ATP8A1: variants seen among roughly 807,000 people sequenced by gnomAD.
The protein encoded by ATP8A1 is ATPase phospholipid transporting 8A1, also known as phospholipid-transporting ATPase IA.
In ATP8A1, 90 loss-of-function variants were observed where a neutral mutation model predicts 177.7. The observed-to-expected ratio is 0.51, with a 90% CI of 0.43 to 0.60. ATP8A1 has a LOEUF of 0.60. Among genes scored for constraint, ATP8A1 ranks in the 20% least tolerant of loss-of-function variants. The probability of loss-of-function intolerance (pLI) is 0.00; values close to 1 mark genes in which losing one functional copy is unlikely to be tolerated. For missense variants in ATP8A1, 1,072 were observed against 1,392.8 expected, an observed-to-expected ratio of 0.77 and a Z score of 3.67; for synonymous variants, 493 against 485.9, an observed-to-expected ratio of 1.01 and a Z score of -0.19.
intron 1 of ATP8A1, among the ~76,000 whole-genome samples, chr4:42,637,636 C>T (rs1292877461): frequency 6.6e-6 from 1 of 152,332 alleles, no homozygotes; most frequent in East Asian, 1.9e-4. Flanking sequence ...GCACCAAAGG[C>T]AAGACAACAT....
At chr4:42,590,425 A>G (rs1177087974) in intron 7 of ATP8A1, among the ~76,000 whole-genome samples, 1 of 152,210 alleles carries the variant, frequency 6.6e-6, no homozygotes, top group Non-Finnish European at 1.5e-5. Flanking sequence ...TCAATTTTCA[A>G]TGACTGTTTC....
rs1228380457 is a variant in ATP8A1 at position 42,408,516 on chromosome 4, A to T, written c.*4400T>A. 6.6e-6 allele frequency: 1 copy of T among 152,228 alleles called. No homozygotes were observed. Among genetic ancestry groups the T allele is most frequent in the East Asian group, 1.9e-4 (1 of 5,204 alleles). 9.4% of individuals were successfully genotyped at this position (152,228 alleles called of 1,614,324 possible). A position where few individuals can be genotyped will look rare whatever the true frequency, so the allele number is the denominator to read the frequency against. On this transcript the variant is annotated 3_prime_UTR_variant, in exon 37 of 37. Coordinates refer to ENST00000381668, the MANE Select transcript of ATP8A1 (RefSeq NM_006095.2). ...GAAATAATATTACTCAATTTTAATA[A>T]CTATAAAACACAGTGCATCAAACAT...
At chr4:42,435,456 A>AAAAAAAC (rs1560320556) in intron 33 of ATP8A1, among the ~76,000 whole-genome samples, 83 of 101,028 alleles carry the variant, frequency 8.2e-4, no homozygotes, top group African/African-American at 2.5e-3. Flanking sequence ...AAAACAAAAA[A>AAAAAAAC]AAAAAAACAA....
chr4:42,550,480 T>C (rs947102886), intron 18 of ATP8A1, among the ~76,000 whole-genome samples: 3 of 152,202 alleles, frequency 2.0e-5, no homozygotes, highest in Non-Finnish European at 4.4e-5. Flanking sequence ...AATTGCTGGC[T>C]CAGGTGTAAG....
intron 24 of ATP8A1, among the ~76,000 whole-genome samples, chr4:42,493,685 C>T (rs73235585): frequency 0.019 from 2,915 of 152,256 alleles, 33 homozygotes; most frequent in Non-Finnish European, 0.032. Context: ...TGCTCTGCCG[C>T]GTACTGGCTG....
chr4:42,551,502 T>C (rs1466150559), intron 17 of ATP8A1, among the ~76,000 whole-genome samples: 1 of 152,206 alleles, frequency 6.6e-6, no homozygotes, highest in African/African-American at 2.4e-5. Flanking sequence ...AGAGTTACAT[T>C]TCCGAAATGT....
chr4:42,444,589 A>G lies in ATP8A1; in HGVS notation c.3004T>C (p.Tyr1002His). 1 of 1,613,896 alleles carries G rather than the reference A, an allele frequency of 6.2e-7. No homozygotes were observed. The highest frequency in any genetic ancestry group is 1.1e-5 in the South Asian group (1 of 91,026). Reference protein sequence around the residue: ...VCLKAGLETSYWTWFSHIAIW... With the variant: ...VCLKAGLETSHWTWFSHIAIW... ...AGATATTTTCTTACCCATGTCCAATATGATGTCTCCAATCCAGCTTTCAAA... is the reference window on the plus strand; with the variant it reads ...AGATATTTTCTTACCCATGTCCAATGTGATGTCTCCAATCCAGCTTTCAAA... Residue 1002 changes from tyrosine (Y) to histidine (H), a missense_variant, in exon 32 of 37, where the codon TAT becomes CAT. Around this residue, in one of 5 missense-constraint regions of ATP8A1, gnomAD observed 316 missense variants for 459.1 expected, o/e 0.69. Transcript: ENST00000381668.
chr4:42,555,168 A>C (rs1730052571), intron 16 of ATP8A1, among the ~76,000 whole-genome samples: 1 of 137,208 alleles, frequency 7.3e-6, no homozygotes, highest in Non-Finnish European at 1.5e-5. Flanking sequence ...CTATCTATCT[A>C]TCTATCTATC....
chr4:42,480,211 A>G (rs1234774803), intron 25 of ATP8A1, among the ~76,000 whole-genome samples: 2 of 152,166 alleles, frequency 1.3e-5, no homozygotes. Context: ...ATAGGCTGTA[A>G]TATAGCCATT....
chr4:42,617,158 A>G (rs1737003789), intron 4 of ATP8A1, among the ~76,000 whole-genome samples: 3 of 152,248 alleles, frequency 2.0e-5, no homozygotes, highest in South Asian at 2.1e-4. Context: ...AGAAAAATCT[A>G]GAAGTGTGGA....
chr4:42,604,649 C>T (rs1735611610), intron 5 of ATP8A1, among the ~76,000 whole-genome samples: 1 of 152,130 alleles, frequency 6.6e-6, no homozygotes, highest in Non-Finnish European at 1.5e-5. Flanking sequence ...GCACAGTTAC[C>T]ACAGACCCAG....
At chr4:42,451,899 C>T (rs1246855921) in intron 30 of ATP8A1, 82 bp downstream of exon 30, 3 of 1,045,268 alleles carry the variant, frequency 2.9e-6, no homozygotes, top group South Asian at 1.6e-5. Context: ...AACTGCTATA[C>T]TTTTAAACAT....
intron 25 of ATP8A1, among the ~76,000 whole-genome samples, chr4:42,484,685 A>T (rs116717376): frequency 0.014 from 2,151 of 152,326 alleles, 58 homozygotes; most frequent in African/African-American, 0.049. Flanking sequence ...AAGCACAGAT[A>T]CTGAGAAATC....
intron 16 of ATP8A1, among the ~76,000 whole-genome samples, chr4:42,555,477 G>A (rs1332185467): frequency 1.3e-5 from 2 of 152,050 alleles, no homozygotes; most frequent in Non-Finnish European, 2.9e-5. Flanking sequence ...TAACCACCAT[G>A]AATTAATGTT....
chr4:42,496,843 C>T (rs1457779218), intron 24 of ATP8A1, among the ~76,000 whole-genome samples: 1 of 152,000 alleles, frequency 6.6e-6, no homozygotes, highest in Non-Finnish European at 1.5e-5. Context: ...TATACACACA[C>T]ACACAGTCAA....
chr4:42,433,414 C>T (rs1337780291), intron 33 of ATP8A1, among the ~76,000 whole-genome samples: 3 of 152,114 alleles, frequency 2.0e-5, no homozygotes, highest in Non-Finnish European at 4.4e-5. Flanking sequence ...CCACTGAACC[C>T]GGTATAGGTC....
chr4:42,619,057 G>GTTT (rs36110616), intron 4 of ATP8A1, among the ~76,000 whole-genome samples: 1 of 148,326 alleles, frequency 6.7e-6, no homozygotes, highest in Non-Finnish European at 1.5e-5. Flanking sequence ...TGATTTTTTT[G>GTTT]TTTTTTTTTT....
At chr4:42,482,209 C>G (rs1721742964) in intron 25 of ATP8A1, among the ~76,000 whole-genome samples, 1 of 151,270 alleles carries the variant, frequency 6.6e-6, no homozygotes, top group African/African-American at 2.4e-5. Flanking sequence ...AGCTGAGGCA[C>G]AAGAATCGCT....
rs768656760 is a variant in ATP8A1 at position 42,543,877 on chromosome 4, T to C, written c.1722+40A>G. ...TGCCTAACATATACATTATAAACCATCATAAATTATAACTGTAAAAAATAA... is the reference window on the plus strand; with the variant it reads ...TGCCTAACATATACATTATAAACCACCATAAATTATAACTGTAAAAAATAA... On this transcript the variant is annotated intron_variant, in intron 20 of 36. Coordinates refer to ENST00000381668, the MANE Select transcript of ATP8A1 (RefSeq NM_006095.2). The C allele has an allele frequency of 2.5e-5, 36 of 1,417,790 alleles. No individual in the cohort carries two copies. In the African/African-American group the frequency reaches 4.5e-4, roughly 18 times the overall value. 87.8% of individuals were successfully genotyped at this position (1,417,790 alleles called of 1,614,324 possible).
Sources: allele counts gnomAD v4.1 joint callset (sites outside exome capture counted in the v4.1 genomes callset), GRCh38; gene constraint gnomAD v4.1.1; regional missense constraint gnomAD v4.1.1; transcripts MANE v1.5; gene names NCBI Gene and HGNC (gene_info 2026-07-23, HGNC 2026-07-21).